The following MACROD2 variants were observed in gnomAD, a reference collection of about 807,000 sequenced individuals.
The protein encoded by MACROD2 is mono-ADP ribosylhydrolase 2, also known as ADP-ribose glycohydrolase MACROD2.
Under a neutral mutation model 70.4 loss-of-function variants are expected in MACROD2, and 36 were observed. The observed-to-expected ratio is 0.51, with a 90% CI of 0.39 to 0.68. The LOEUF (loss-of-function observed/expected upper bound fraction) is 0.68, where lower values mean the gene tolerates loss of function less well. Among genes scored for constraint, MACROD2 ranks in the 30% least tolerant of loss-of-function variants. The pLI, the probability that MACROD2 is intolerant of heterozygous loss-of-function variation, is 0.00. For synonymous variants in MACROD2, 172 were observed against 178.8 expected, an observed-to-expected ratio of 0.96 and a Z score of 0.30; for missense variants, 496 against 538.4, an observed-to-expected ratio of 0.92 and a Z score of 0.78.
At chr20:15,869,232 T>TAGAGAG (rs1282844011) in intron 9 of MACROD2, among the ~76,000 whole-genome samples, 33 of 33,108 alleles carry the variant, frequency 1.0e-3, no homozygotes, top group East Asian at 4.3e-3. Flanking sequence ...TATATATATA[T>TAGAGAG]ATATATAGAG....
At chr20:16,045,561 ATCTGG>A (rs1185479998) in intron 17 of MACROD2, among the ~76,000 whole-genome samples, 17 of 152,270 alleles carry the variant, frequency 1.1e-4, no homozygotes, top group Admixed American at 9.8e-4. Context: ...GGTGACAGAC[ATCTGG>A]ACTGCAGCAA....
At position 15,986,713 on chromosome 20, in the gene MACROD2, AC is replaced by A. The variant is rs2066488736; in HGVS notation, c.986-13del. 1 of 1,597,548 alleles carries A rather than the reference AC, an allele frequency of 6.3e-7. No homozygotes were observed. The highest frequency in any genetic ancestry group is 8.6e-7 in the Non-Finnish European group (1 of 1,167,564). On this transcript the variant is annotated splice_polypyrimidine_tract_variant and intron_variant, in intron 13 of 17. Coordinates refer to ENST00000684519, the MANE Select transcript of MACROD2 (RefSeq NM_001351661.2). The stretch of plus-strand genomic sequence containing the variant: ...ATCACATTTCTTTTATTTTTCAATC[AC>A]TGTTTTGAACAGGACAAGAGAATGA...
chr20:15,296,825 G>T (rs560066318), intron 6 of MACROD2, among the ~76,000 whole-genome samples: 1 of 152,358 alleles, frequency 6.6e-6, no homozygotes, highest in Admixed American at 6.5e-5. Context: ...GGATGTTAAT[G>T]AAATTTTAAT....
rs551635588 is a variant in MACROD2 at position 14,684,731 on chromosome 20, G to T, written c.302-112G>T. 1.2e-3 allele frequency: 1,023 copies of T among 823,382 alleles called. 2 individuals are homozygous for T. Among genetic ancestry groups the T allele is most frequent in the Non-Finnish European group, 1.6e-3 (800 of 505,610 alleles). 51.0% of individuals were successfully genotyped at this position (823,382 alleles called of 1,614,324 possible). ...GGACACCCTGGGTTTTCTTCCACGG[G>T]CTATGGTTATTTACAGGAAGAACAA... is the stretch of plus-strand genomic sequence containing the variant. On this transcript the variant is annotated intron_variant, in intron 4 of 17. Coordinates refer to ENST00000684519, the MANE Select transcript of MACROD2 (RefSeq NM_001351661.2).
At chr20:14,829,888 T>G (rs1281567374) in intron 5 of MACROD2, among the ~76,000 whole-genome samples, 1 of 152,182 alleles carries the variant, frequency 6.6e-6, no homozygotes, top group Non-Finnish European at 1.5e-5. Flanking sequence ...TGTATAAAAC[T>G]CTACAACTAT....
At chr20:14,442,703 A>T (rs567315418) in intron 3 of MACROD2, among the ~76,000 whole-genome samples, 1 of 152,194 alleles carries the variant, frequency 6.6e-6, no homozygotes, top group Non-Finnish European at 1.5e-5. Context: ...CCAAGCAGTC[A>T]ACAGACTATA....
chr20:16,041,125 G>A (rs41276344), intron 15 of MACROD2, 76 bp from the exon 16 acceptor site: 31,181 of 1,224,142 alleles, frequency 0.025, 943 homozygotes, highest in African/African-American at 0.13. Flanking sequence ...GGGCAATGGA[G>A]GGTGACAGAA....
intron 5 of MACROD2, among the ~76,000 whole-genome samples, chr20:15,019,528 C>G (rs1316190070): frequency 1.3e-5 from 2 of 152,110 alleles, no homozygotes; most frequent in Non-Finnish European, 2.9e-5. Context: ...AAGTTGGTAC[C>G]ACTTATGGCC....
At chr20:14,043,226 GGTT>G (rs1370386482) in intron 2 of MACROD2, among the ~76,000 whole-genome samples, 8 of 152,088 alleles carry the variant, frequency 5.3e-5, no homozygotes, top group Non-Finnish European at 1.2e-4. Flanking sequence ...GGCTCCCCTG[GGTT>G]GTTTTACCTG....
intron 8 of MACROD2, among the ~76,000 whole-genome samples, chr20:15,706,622 A>G (rs2050536267): frequency 6.6e-6 from 1 of 152,202 alleles, no homozygotes; most frequent in African/African-American, 2.4e-5. Context: ...CGTTAATTCC[A>G]ATGCTTTGTA....
rs540942194 is a variant in MACROD2, at chr20:14,808,247, T to G, written c.418+123288T>G. On this transcript the variant is annotated intron_variant, in intron 5 of 17. Coordinates refer to ENST00000684519, the MANE Select transcript of MACROD2 (RefSeq NM_001351661.2). ...TAACAGTGGATCTCTCAGCAGAAAC[T>G]CTACAATACAGAAGAGAGTGGGGGT... is the stretch of plus-strand genomic sequence containing the variant. Among the ~76,000 whole-genome samples the G allele has an allele frequency of 6.2e-4, 95 of 152,074 alleles. 1 individual carries two copies. The highest frequency in any genetic ancestry group is 1.3e-4 in the Admixed American group (2 of 15,252).
chr20:14,156,140 C>T (rs141591442), intron 3 of MACROD2, among the ~76,000 whole-genome samples: 15 of 151,876 alleles, frequency 9.9e-5, no homozygotes, highest in East Asian at 1.9e-4. Context: ...CCAGCCTGGG[C>T]GACAAAGTCT....
At chr20:14,299,276 T>C (rs1057313682) in intron 3 of MACROD2, among the ~76,000 whole-genome samples, 1 of 152,216 alleles carries the variant, frequency 6.6e-6, no homozygotes, top group African/African-American at 2.4e-5. Context: ...TCTCAGACAT[T>C]TATTGGCATT....
chr20:14,805,693 T>C (rs2072630367), intron 5 of MACROD2, among the ~76,000 whole-genome samples: 1 of 152,048 alleles, frequency 6.6e-6, no homozygotes, highest in Admixed American at 6.6e-5. Context: ...ATGCCAGCCA[T>C]AGTGGGTGAA....
intron 5 of MACROD2, among the ~76,000 whole-genome samples, chr20:14,795,412 G>A (rs1205296873): frequency 5.3e-5 from 8 of 152,062 alleles, no homozygotes. Flanking sequence ...ACTTGGACAT[G>A]AGCATGGGTA....
chr20:14,010,070 G>A (rs1463277910), intron 2 of MACROD2, among the ~76,000 whole-genome samples: 6 of 151,942 alleles, frequency 3.9e-5, no homozygotes, highest in East Asian at 3.9e-4. Flanking sequence ...TGGCCACTAC[G>A]GCACACGTTT....
At chr20:15,866,601 T>A (rs1194978320) in intron 9 of MACROD2, among the ~76,000 whole-genome samples, 3 of 152,136 alleles carry the variant, frequency 2.0e-5, no homozygotes, top group African/African-American at 7.2e-5. Flanking sequence ...ATTGCCCAAG[T>A]GATAATAGGT....
At position 15,452,054 on chromosome 20, in the gene MACROD2, G is replaced by A. The variant is rs896830066; in HGVS notation, c.571+20619G>A. On this transcript the variant is annotated intron_variant, in intron 7 of 17. Transcript: ENST00000684519. ...GCTGTAACGGAGTGTCTGTCTGTGC[G>A]CTTACTGCTCACCTGTTGTCTATCA... 1.2e-4 allele frequency among the ~76,000 whole-genome samples: 18 copies of A among 152,222 alleles called. 1 individual carries two copies. Among genetic ancestry groups the A allele is most frequent in the Middle Eastern group, 6.8e-3 (2 of 294 alleles).
intron 5 of MACROD2, among the ~76,000 whole-genome samples, chr20:15,117,219 A>C (rs2075997613): frequency 6.6e-6 from 1 of 152,178 alleles, no homozygotes; most frequent in African/African-American, 2.4e-5. Flanking sequence ...TATAAGAAAA[A>C]AGTCAACAAC....
Sources: gnomAD v4.1 joint callset for allele counts (sites outside exome capture counted in the v4.1 genomes callset) on GRCh38, gnomAD v4.1.1 for gene constraint, MANE v1.5 for transcripts, NCBI Gene and HGNC (gene_info 2026-07-23, HGNC 2026-07-21) for gene names.